HECW1: variants seen among roughly 807,000 people sequenced by gnomAD.
HECW1 encodes E3 ubiquitin-protein ligase HECW1.
In HECW1, 61 loss-of-function variants were observed where a neutral mutation model predicts 182.3. The ratio of observed to expected loss-of-function variants is 0.33; its 90% confidence interval spans 0.27 to 0.41. HECW1 has a LOEUF of 0.41. Ranked by LOEUF, HECW1 falls within the 10% of genes least tolerant of loss-of-function variation. HECW1 has a pLI of 1.00. For synonymous variants in HECW1, 859 were observed against 832.6 expected (o/e 1.03, Z -0.55); for missense variants, 1,739 against 2,108.9 (o/e 0.82, Z 3.44).
intron 2 of HECW1, among the ~76,000 whole-genome samples, chr7:43,161,284 TTA>T (rs1790500313): frequency 6.6e-6 from 1 of 152,212 alleles, no homozygotes; most frequent in African/African-American, 2.4e-5. Flanking sequence ...TTATTTTTCA[TTA>T]TGTTGGTTAA....
At chr7:43,141,536 GT>G (rs1788153143) in intron 2 of HECW1, among the ~76,000 whole-genome samples, 1 of 152,044 alleles carries the variant, frequency 6.6e-6, no homozygotes, top group African/African-American at 2.4e-5. Context: ...TTTCGCTGTT[GT>G]TGCCCAGGCT....
At chr7:43,341,868 A>G (rs1813044933) in intron 5 of HECW1, among the ~76,000 whole-genome samples, 1 of 151,792 alleles carries the variant, frequency 6.6e-6, no homozygotes, top group Non-Finnish European at 1.5e-5. Flanking sequence ...TTAGAGCCAT[A>G]TATTACTTTA....
chr7:43,202,500 A>G (rs10250351), intron 2 of HECW1, among the ~76,000 whole-genome samples: 113,021 of 149,438 alleles, frequency 0.76, 43,079 homozygotes, highest in Non-Finnish European at 0.81. Flanking sequence ...TTGAAACAGA[A>G]TCTCACTCTA....
Position 43,114,223 on chromosome 7 carries a change from C to T in HECW1, c.-200C>T. 6 of 1,358,644 alleles carry T rather than the reference C, an allele frequency of 4.4e-6. No individual in the cohort carries two copies. The highest frequency in any genetic ancestry group is 5.8e-6 in the Non-Finnish European group (6 of 1,032,844). 84.2% of individuals were successfully genotyped at this position (1,358,644 alleles called of 1,614,324 possible). A position where few individuals can be genotyped will look rare whatever the true frequency, so the allele number is the denominator to read the frequency against. On this transcript the variant is annotated 5_prime_UTR_variant, in exon 2 of 30. Coordinates refer to ENST00000395891, the MANE Select transcript of HECW1 (RefSeq NM_015052.5). ...AGCATAGTTCAAAAATTGAGGGAGG[C>T]ATCTTCTCTCTTTTCCTGGGATTTA...
intron 2 of HECW1, among the ~76,000 whole-genome samples, chr7:43,203,379 A>T (rs1795183949): frequency 1.3e-5 from 2 of 151,976 alleles, no homozygotes; most frequent in Non-Finnish European, 2.9e-5. Context: ...TCCTTCTTCG[A>T]TTATTTTTTA....
At chr7:43,480,058 G>C (rs1006886902) in intron 17 of HECW1, among the ~76,000 whole-genome samples, 1 of 152,190 alleles carries the variant, frequency 6.6e-6, no homozygotes, top group South Asian at 2.1e-4. Flanking sequence ...TGTGCCTCCT[G>C]AGGCCTGTCA....
intron 24 of HECW1, among the ~76,000 whole-genome samples, chr7:43,538,631 G>C (rs2081261630): frequency 1.3e-5 from 2 of 152,272 alleles, no homozygotes; most frequent in South Asian, 4.1e-4. Flanking sequence ...GCAGATGTGG[G>C]TCAGTTTCCT....
rs79579647 is a variant in HECW1 at position 43,200,392 on chromosome 7, T to G, written c.-31-43483T>G. On this transcript the variant is annotated intron_variant, in intron 2 of 29. Coordinates refer to ENST00000395891, the MANE Select transcript of HECW1 (RefSeq NM_015052.5). ...CTTAAGAATGGAAAATTTTGGCTCA[T>G]GCATGTCACTCAATTAGTCAAATGA... Among the ~76,000 whole-genome samples the G allele has an allele frequency of 2.6e-5, 4 of 152,338 alleles. No individual in the cohort carries two copies. The East Asian group carries it at 7.7e-4, about 29-fold the overall frequency.
At chr7:43,211,703 T>C (rs940597166) in intron 2 of HECW1, among the ~76,000 whole-genome samples, 1 of 152,212 alleles carries the variant, frequency 6.6e-6, no homozygotes, top group African/African-American at 2.4e-5. Context: ...CCCTCAAATT[T>C]TGCCTGTGCA....
rs112285071 is a variant in HECW1 at position 43,346,963 on chromosome 7, T to C, written c.461-13923T>C. 4.9e-3 allele frequency among the ~76,000 whole-genome samples: 739 copies of C among 152,326 alleles called. 4 individuals carry two copies. The highest frequency in any genetic ancestry group is 0.017 in the African/African-American group (708 of 41,552). ...TTTGTTCTTTTTGCTTAATCTTGCA[T>C]TGGCTATGTGGGCTCTTTTCTGGTT... On this transcript the variant is annotated intron_variant, in intron 5 of 29. Coordinates refer to ENST00000395891, the MANE Select transcript of HECW1 (RefSeq NM_015052.5).
chr7:43,554,771 A>C lies in HECW1; in HGVS notation c.4690A>C (p.Lys1564Gln), dbSNP rs1279263202. ...LRRFCIEKWG[K>Q]ITSLPRAHTC... Reference sequence around the variant, plus strand: ...GCGCTTCTGCATAGAGAAATGGGGGAAAATTACTTCTCTCCCCAGGTACAG... The same window carrying C: ...GCGCTTCTGCATAGAGAAATGGGGGCAAATTACTTCTCTCCCCAGGTACAG... The change falls in exon 29 of 30, where the codon AAA (lysine) becomes CAA (glutamine). Residue 1564 changes from lysine to glutamine, a missense_variant. Coordinates refer to ENST00000395891, the MANE Select transcript of HECW1 (RefSeq NM_015052.5). 9.3e-6 allele frequency: 15 copies of C among 1,613,642 alleles called. No individual in the cohort carries two copies. The highest frequency in any genetic ancestry group is 1.3e-5 in the African/African-American group (1 of 75,024).
At chr7:43,350,114 A>G (rs1165774499) in intron 5 of HECW1, among the ~76,000 whole-genome samples, 1 of 152,124 alleles carries the variant, frequency 6.6e-6, no homozygotes, top group Non-Finnish European at 1.5e-5. Flanking sequence ...TCTTTCCTTC[A>G]TATATGATGC....
intron 21 of HECW1, among the ~76,000 whole-genome samples, chr7:43,502,457 G>T (rs10276071): frequency 1.7e-4 from 26 of 151,948 alleles, no homozygotes; most frequent in Non-Finnish European, 3.2e-4. Flanking sequence ...AAGAGTTCGA[G>T]ACCAGCCTGG....
At chr7:43,286,325 C>T (rs1804633774) in intron 3 of HECW1, among the ~76,000 whole-genome samples, 1 of 152,122 alleles carries the variant, frequency 6.6e-6, no homozygotes, top group South Asian at 2.1e-4. Context: ...ATCAAGACTG[C>T]CCAAGCCTAT....
intron 8 of HECW1, among the ~76,000 whole-genome samples, chr7:43,419,379 G>A (rs2076111593): frequency 6.6e-6 from 1 of 152,110 alleles, no homozygotes. Flanking sequence ...CATTTTTCTG[G>A]ACATTACCAA....
At chr7:43,506,931 A>G (rs185599740) in intron 21 of HECW1, among the ~76,000 whole-genome samples, 1 of 152,248 alleles carries the variant, frequency 6.6e-6, no homozygotes, top group East Asian at 1.9e-4. Context: ...TCAGCCAGGT[A>G]TGGTGGCACA....
chr7:43,226,212 C>T (rs188066653), intron 2 of HECW1, among the ~76,000 whole-genome samples: 9 of 152,236 alleles, frequency 5.9e-5, no homozygotes, highest in African/African-American at 1.9e-4. Context: ...TTCGGAACAT[C>T]GGGGTTAAAA....
At chr7:43,179,224 A>C (rs1792556546) in intron 2 of HECW1, among the ~76,000 whole-genome samples, 1 of 152,232 alleles carries the variant, frequency 6.6e-6, no homozygotes, top group Admixed American at 6.5e-5. Flanking sequence ...GGCTGACAGC[A>C]GCACCCAAGG....
At position 43,541,993 on chromosome 7, in the gene HECW1, G is replaced by T; in HGVS notation, c.4243G>T (p.Gly1415Ter). The T allele has an allele frequency of 6.6e-7, 1 of 1,525,234 alleles. No individual in the cohort carries two copies. Among genetic ancestry groups the T allele is most frequent in the Admixed American group, 2.2e-5 (1 of 46,182 alleles). 94.5% of individuals were successfully genotyped at this position (1,525,234 alleles called of 1,614,324 possible). The change falls in exon 26 of 30, where the codon GGA becomes TGA. Residue 1415 changes from glycine (G) to a stop codon, truncating the protein, a stop_gained. Transcript: ENST00000395891. LOFTEE classifies it high-confidence loss of function. ...LTFTVNEEVF[G>*]QVTERELKSG... ...TTTCACTGTTAATGAAGAGGTTTTT[G>T]GACAGGTTTGTGTGACATGGGGTTT...
Sources: allele counts gnomAD v4.1 joint callset (sites outside exome capture counted in the v4.1 genomes callset), GRCh38; gene constraint gnomAD v4.1.1; transcripts MANE v1.5; gene names NCBI Gene and HGNC (gene_info 2026-07-23, HGNC 2026-07-21).